The following TEX11 variants were observed in gnomAD, a reference collection of about 807,000 sequenced individuals.
The protein encoded by TEX11 is testis-expressed protein 11.
Under a neutral mutation model 84.4 loss-of-function variants are expected in TEX11, and 7 were observed. That is an observed-to-expected ratio of 0.08 (90% CI 0.05 to 0.16). TEX11 has a LOEUF of 0.16. Ranked by LOEUF, TEX11 falls within the 10% of genes least tolerant of loss-of-function variation. The pLI, the probability that TEX11 is intolerant of heterozygous loss-of-function variation, is 1.00. For synonymous variants in TEX11, 264 were observed against 222.8 expected (o/e 1.18, Z -1.64); for missense variants, 551 against 660.5 (o/e 0.83, Z 1.82).
At chrX:70,595,837 G>T (rs2147504509) in intron 24 of TEX11, among the ~76,000 whole-genome samples, 1 of 111,086 alleles carries the variant, frequency 9.0e-6, no homozygotes, top group Non-Finnish European at 1.9e-5. Flanking sequence ...AAAAGACAAA[G>T]ATTATCATAT....
At chrX:70,829,385 G>A (rs1276924013) in intron 8 of TEX11, among the ~76,000 whole-genome samples, 1 of 108,863 alleles carries the variant, frequency 9.2e-6, no homozygotes, top group Non-Finnish European at 1.9e-5. Flanking sequence ...GGGAGGCTGA[G>A]GCAGGAGAAT....
chrX:70,772,273 CA>C (rs2090976247), intron 9 of TEX11, among the ~76,000 whole-genome samples: 1 of 111,597 alleles, frequency 9.0e-6, no homozygotes, highest in African/African-American at 3.3e-5. Context: ...CTCAAGGCCA[CA>C]AAGATAAAAA....
intron 13 of TEX11, 117 bp downstream of exon 13, chrX:70,722,501 C>G: frequency 7.6e-6 from 4 of 528,248 alleles, no homozygotes; most frequent in Non-Finnish European, 1.3e-5. Flanking sequence ...TCTCAAGCTC[C>G]TGGGCTCAAG....
At position 70,609,140 on chromosome X, in the gene TEX11, G is replaced by T. The variant is rs1569354710; in HGVS notation, c.1830C>A (p.Ala610=). 1 of 1,205,855 alleles carries T rather than the reference G, an allele frequency of 8.3e-7. No homozygotes were observed. Among genetic ancestry groups the T allele is most frequent in the Non-Finnish European group, 1.1e-6 (1 of 892,747 alleles). ...CATTAGCTCTTGACTCCAAACTTAA[G>T]GCTTCTTCACCAAAAGGCTGAGAAA... ...VKLSQPFGEE[A]LSLESRANEA... is the part of the protein sequence containing the mutation. The change falls in exon 22 of 30, where the codon GCC becomes GCA. Residue 610 remains alanine (A), a synonymous_variant. Coordinates refer to ENST00000374333, the MANE Select transcript of TEX11 (RefSeq NM_031276.3).
intron 20 of TEX11, among the ~76,000 whole-genome samples, chrX:70,623,732 T>C (rs1003341828): frequency 9.2e-6 from 1 of 108,537 alleles, no homozygotes; most frequent in Non-Finnish European, 1.9e-5. Context: ...CTTCCCACTT[T>C]ACAGTTGGGG....
intron 3 of TEX11, among the ~76,000 whole-genome samples, chrX:70,878,240 T>A (rs1294444482): frequency 1.0e-5 from 1 of 98,975 alleles, no homozygotes; most frequent in African/African-American, 3.8e-5. Context: ...TGGTGCAATC[T>A]CGGCTCACTG....
At chrX:70,875,027 T>C (rs1475341652) in intron 3 of TEX11, among the ~76,000 whole-genome samples, 1 of 107,853 alleles carries the variant, frequency 9.3e-6, no homozygotes, top group Admixed American at 9.9e-5. Flanking sequence ...TATACAAAAA[T>C]TAGTCGTGCG....
In TEX11 at chrX:70,907,029, G is replaced by A. The variant is rs1410908144; in HGVS notation, c.37+724C>T. Among the ~76,000 whole-genome samples, 5 of 111,322 alleles carry A rather than the reference G, an allele frequency of 4.5e-5. No individual in the cohort carries two copies. The East Asian group carries it at 1.4e-3, about 31-fold the overall frequency. On this transcript the variant is annotated intron_variant, in intron 2 of 29. Coordinates refer to ENST00000374333, the MANE Select transcript of TEX11 (RefSeq NM_031276.3). ...GTCAAATTGCTTTTGTTTATTGAGA[G>A]TTCCCATAAATAGCAAACATGGATT...
chrX:70,548,843 T>G (rs777988266), intron 28 of TEX11, among the ~76,000 whole-genome samples: 1 of 111,604 alleles, frequency 9.0e-6, no homozygotes, highest in Non-Finnish European at 1.9e-5. Flanking sequence ...CCACAAGGAC[T>G]GCAACTCCTG....
intron 9 of TEX11, among the ~76,000 whole-genome samples, chrX:70,784,832 C>A (rs1218654678): frequency 9.0e-6 from 1 of 111,522 alleles, no homozygotes; most frequent in Non-Finnish European, 1.9e-5. Flanking sequence ...AAAGAGGATA[C>A]AAAGAAATGG....
In TEX11 at chrX:70,610,492, G is replaced by C; in HGVS notation, c.1792+11C>G. 1 of 1,199,519 alleles carries C rather than the reference G, an allele frequency of 8.3e-7. No individual in the cohort carries two copies. Among genetic ancestry groups the C allele is most frequent in the Non-Finnish European group, 1.1e-6 (1 of 887,418 alleles). Reference sequence around the variant, plus strand: ...AGATGAAGGACTGAATATAACCAGGGAGATATTTACCTCTATTCAGGCAAG... The same window carrying C: ...AGATGAAGGACTGAATATAACCAGGCAGATATTTACCTCTATTCAGGCAAG... On this transcript the variant is annotated intron_variant, in intron 21 of 29. Coordinates refer to ENST00000374333, the MANE Select transcript of TEX11 (RefSeq NM_031276.3).
At chrX:70,723,225 GAA>G (rs1359156006) in intron 12 of TEX11, among the ~76,000 whole-genome samples, 1 of 111,362 alleles carries the variant, frequency 9.0e-6, no homozygotes. Context: ...TTGTGCTTCT[GAA>G]AAGTCACCTG....
At position 70,579,216 on chromosome X, in the gene TEX11, C is replaced by T. The variant is rs184864192; in HGVS notation, c.2140+12535G>A. On this transcript the variant is annotated intron_variant, in intron 25 of 29. Coordinates refer to ENST00000374333, the MANE Select transcript of TEX11 (RefSeq NM_031276.3). ...TTAAATCAAGAAACTGGGCCGGGCG[C>T]GGTGGCTCACACCTGTAATCCCAGC... Among the ~76,000 whole-genome samples, 386 of 109,089 alleles carry T rather than the reference C, an allele frequency of 3.5e-3. 1 individual carries two copies. The highest frequency in any genetic ancestry group is 5.4e-3 in the Non-Finnish European group (282 of 52,543). The allele number at this position is 109,089 out of a possible 115,157, so 94.7% of individuals were successfully genotyped here. A position where few individuals can be genotyped will look rare whatever the true frequency, so the allele number is the denominator to read the frequency against.
At chrX:70,711,536 C>T (rs1481809719) in intron 13 of TEX11, among the ~76,000 whole-genome samples, 1 of 111,650 alleles carries the variant, frequency 9.0e-6, no homozygotes, top group Non-Finnish European at 1.9e-5. Context: ...TCTCTGATGG[C>T]CAGTGATGAT....
chrX:70,866,887 C>G (rs989048027), intron 4 of TEX11, among the ~76,000 whole-genome samples: 2 of 111,620 alleles, frequency 1.8e-5, no homozygotes, highest in Non-Finnish European at 3.8e-5. Context: ...ATAATAAGAG[C>G]TATTTATGAC....
rs1188938519 is a variant in TEX11, at chrX:70,828,963, G to T, written c.606+4550C>A. On this transcript the variant is annotated intron_variant, in intron 8 of 29. Transcript: ENST00000374333. ...ATGACATATTTAAAGTGCTGAAGGA[G>T]AAAAAAAAATGTTTACCCTAGGATA... is the stretch of plus-strand genomic sequence containing the variant. Among the ~76,000 whole-genome samples, 4 of 109,975 alleles carry T rather than the reference G, an allele frequency of 3.6e-5. No homozygotes were observed. The Admixed American group carries it at 3.9e-4, about 11-fold the overall frequency.
the TEX11 span, among the ~76,000 whole-genome samples, chrX:70,520,444 G>T: frequency 0.15 from 16,427 of 111,998 alleles, 2,438 homozygotes; most frequent in African/African-American, 0.46. Flanking sequence ...GGTAACAGCC[G>T]TGGAGGCTGC....
chrX:70,671,910 T>TATATATATATATATATATATAC (rs57166359), intron 15 of TEX11, among the ~76,000 whole-genome samples: 6 of 67,969 alleles, frequency 8.8e-5, no homozygotes, highest in Admixed American at 4.2e-4. Flanking sequence ...TATATATATA[T>TATATATATATATATATATATAC]ACACACACAC....
At chrX:70,780,370 C>G (rs1331665313) in intron 9 of TEX11, among the ~76,000 whole-genome samples, 1 of 112,806 alleles carries the variant, frequency 8.9e-6, no homozygotes, top group Non-Finnish European at 1.9e-5. Context: ...GAGCTCTGCT[C>G]TGCAGCGCCC....
Sources: gnomAD v4.1 joint callset for allele counts (sites outside exome capture counted in the v4.1 genomes callset) on GRCh38, gnomAD v4.1.1 for gene constraint, MANE v1.5 for transcripts, NCBI Gene and HGNC (gene_info 2026-07-23, HGNC 2026-07-21) for gene names.